The following SIL1 variants were observed in gnomAD, a reference collection of about 807,000 sequenced individuals.
SIL1 encodes SIL1 nucleotide exchange factor, also known as nucleotide exchange factor SIL1.
Under a neutral mutation model 49.1 loss-of-function variants are expected in SIL1, and 40 were observed. The ratio of observed to expected loss-of-function variants is 0.81; its 90% CI spans 0.63 to 1.06. The LOEUF is 1.06. Ranked by LOEUF, SIL1 falls within the 50% of genes least tolerant of loss-of-function variation. The pLI is 0.00. For missense variants in SIL1, 500 were observed against 572.6 expected, an observed-to-expected ratio of 0.87 and a Z score of 1.29; for synonymous variants, 253 against 250.8, an observed-to-expected ratio of 1.01 and a Z score of -0.08.
intron 7 of SIL1, among the ~76,000 whole-genome samples, chr5:139,015,295 T>C (rs1768374515): frequency 6.6e-6 from 1 of 152,184 alleles, no homozygotes; most frequent in Admixed American, 6.5e-5. Context: ...CAACCAAATA[T>C]ATAACTGCAA....
chr5:139,195,788 G>T lies in SIL1; in HGVS notation c.-11+2481C>A, dbSNP rs115397263. On this transcript the variant is annotated intron_variant, in intron 1 of 9. Coordinates refer to ENST00000394817, the MANE Select transcript of SIL1 (RefSeq NM_022464.5). ...TGGTAGACTCAGAATTAAAACTCAT[G>T]TTCACCACCCTCCAAAAATCTGTTA... 7.2e-3 allele frequency among the ~76,000 whole-genome samples: 1,099 copies of T among 152,276 alleles called. 16 individuals are homozygous for T. Among genetic ancestry groups the T allele is most frequent in the African/African-American group, 0.024 (1,010 of 41,546 alleles).
intron 5 of SIL1, among the ~76,000 whole-genome samples, chr5:139,040,449 T>G (rs1205617635): frequency 6.6e-6 from 1 of 151,364 alleles, no homozygotes; most frequent in Non-Finnish European, 1.5e-5. Context: ...GTGCTGATAT[T>G]GGGATCCCCT....
At position 139,019,501 on chromosome 5, in the gene SIL1, TA is replaced by T. The variant is rs1190730875; in HGVS notation, c.767+1669del. Among the ~76,000 whole-genome samples, 15 of 152,342 alleles carry T rather than the reference TA, an allele frequency of 9.8e-5. No homozygotes were observed. The East Asian group carries it at 2.9e-3, about 29-fold the overall frequency. ...AGCAGTTTGCTTGCCACCAAAACAC[TA>T]AATTGCAATATTTTATATTTATCTC... On this transcript the variant is annotated intron_variant, in intron 7 of 9. Transcript: ENST00000394817.
intron 7 of SIL1, chr5:139,012,599 T>C (rs183506754): frequency 6.6e-6 from 1 of 152,366 alleles, no homozygotes; most frequent in Non-Finnish European, 1.5e-5. Context: ...CAAGTAATTG[T>C]TTAAATGTTC....
chr5:139,064,241 C>A (rs1179343125), intron 3 of SIL1, among the ~76,000 whole-genome samples: 1 of 152,110 alleles, frequency 6.6e-6, no homozygotes, highest in Non-Finnish European at 1.5e-5. Flanking sequence ...ATACTCCCAG[C>A]AATGAAAAGG....
At chr5:139,153,204 C>T (rs1311017110) in intron 1 of SIL1, among the ~76,000 whole-genome samples, 1 of 152,124 alleles carries the variant, frequency 6.6e-6, no homozygotes, top group Admixed American at 6.6e-5. Context: ...ATTCCCTCTG[C>T]TTGGAATGCC....
chr5:139,055,602 C>T (rs914454438), intron 3 of SIL1, among the ~76,000 whole-genome samples: 1 of 102,334 alleles, frequency 9.8e-6, no homozygotes, highest in African/African-American at 5.0e-5. Flanking sequence ...CTCCCTCTCC[C>T]TCTCCCTCTC....
chr5:139,087,414 C>G (rs1770246287), intron 3 of SIL1, among the ~76,000 whole-genome samples: 1 of 152,126 alleles, frequency 6.6e-6, no homozygotes, highest in African/African-American at 2.4e-5. Flanking sequence ...AGAACCAAGA[C>G]AGGCCTATAA....
intron 1 of SIL1, among the ~76,000 whole-genome samples, chr5:139,149,305 A>G (rs1352456040): frequency 6.6e-6 from 1 of 152,206 alleles, no homozygotes; most frequent in Non-Finnish European, 1.5e-5. Flanking sequence ...CCAAAAGAGC[A>G]AATATTTGTG....
At chr5:138,952,492 G>A (rs1766804655) in intron 7 of SIL1, among the ~76,000 whole-genome samples, 1 of 152,190 alleles carries the variant, frequency 6.6e-6, no homozygotes, top group African/African-American at 2.4e-5. Flanking sequence ...CCTCCCACTG[G>A]GCTCCCACTC....
At chr5:139,005,063 A>G (rs1362193524) in intron 7 of SIL1, among the ~76,000 whole-genome samples, 1 of 152,216 alleles carries the variant, frequency 6.6e-6, no homozygotes, top group African/African-American at 2.4e-5. Context: ...TATCTATCAT[A>G]TAGCATGGTG....
At chr5:139,164,433 C>T (rs1751577433) in intron 1 of SIL1, among the ~76,000 whole-genome samples, 1 of 152,156 alleles carries the variant, frequency 6.6e-6, no homozygotes, top group Non-Finnish European at 1.5e-5. Flanking sequence ...TGAGGCCTGA[C>T]TCCAAATACC....
chr5:139,061,891 G>C (rs1769597871), intron 3 of SIL1, among the ~76,000 whole-genome samples: 1 of 152,152 alleles, frequency 6.6e-6, no homozygotes, highest in Non-Finnish European at 1.5e-5. Context: ...ATAAAGGTCA[G>C]CTTGAATGCC....
chr5:138,973,454 G>C lies in SIL1; in HGVS notation c.768-21570C>G, dbSNP rs1000987974. 3.3e-5 allele frequency among the ~76,000 whole-genome samples: 5 copies of C among 151,962 alleles called. No homozygotes were observed. The East Asian group carries it at 9.6e-4, about 29-fold the overall frequency. ...CTGTTTCTCAGACCATCAGAGGTAA[G>C]AGCAGAGTTTTTTCTTTTTTCTTTT... On this transcript the variant is annotated intron_variant, in intron 7 of 9. Coordinates refer to ENST00000394817, the MANE Select transcript of SIL1 (RefSeq NM_022464.5).
At chr5:139,039,035 G>A (rs569172419) in intron 5 of SIL1, among the ~76,000 whole-genome samples, 1 of 152,196 alleles carries the variant, frequency 6.6e-6, no homozygotes, top group Non-Finnish European at 1.5e-5. Flanking sequence ...ACTGTCAGAT[G>A]GGAGATGGAA....
chr5:138,977,360 C>G (rs1043134743), intron 7 of SIL1, among the ~76,000 whole-genome samples: 21 of 152,294 alleles, frequency 1.4e-4, no homozygotes, highest in African/African-American at 4.3e-4. Flanking sequence ...AACTAGATAC[C>G]AGGAAGAGCT....
intron 3 of SIL1, among the ~76,000 whole-genome samples, chr5:139,070,679 A>G (rs1205142286): frequency 6.6e-6 from 1 of 152,218 alleles, no homozygotes; most frequent in African/African-American, 2.4e-5. Context: ...CAACTTCAAT[A>G]AAAGTAATAA....
chr5:139,058,347 A>G (rs2150462354), intron 3 of SIL1, among the ~76,000 whole-genome samples: 1 of 151,888 alleles, frequency 6.6e-6, no homozygotes, highest in African/African-American at 2.4e-5. Flanking sequence ...AAAAAAAAAC[A>G]CCAAATTACC....
chr5:139,152,624 A>G (rs568792692), intron 1 of SIL1, among the ~76,000 whole-genome samples: 26 of 146,628 alleles, frequency 1.8e-4, no homozygotes, highest in South Asian at 2.2e-4. Context: ...ACATCTTGGG[A>G]AAAAAAAAAA....
Sources: allele counts gnomAD v4.1 joint callset (sites outside exome capture counted in the v4.1 genomes callset), GRCh38; gene constraint gnomAD v4.1.1; transcripts MANE v1.5; gene names NCBI Gene and HGNC (gene_info 2026-07-23, HGNC 2026-07-21).